EVC2: variants seen among roughly 807,000 people sequenced by gnomAD.
The protein encoded by EVC2 is limbin.
A neutral mutation model predicts 149.3 loss-of-function variants in EVC2; 148 were observed. The ratio of observed to expected loss-of-function variants is 0.99; its 90% confidence interval spans 0.87 to 1.14. The LOEUF is 1.14. Ranked by LOEUF, EVC2 falls within the 50% of genes most tolerant of loss-of-function variation. EVC2 has a pLI of 0.00. For missense variants in EVC2, 1,854 were observed against 1,627.3 expected (o/e 1.14, Z -2.40); for synonymous variants, 776 against 649.9 (o/e 1.19, Z -2.95).
intron 14 of EVC2, among the ~76,000 whole-genome samples, chr4:5,621,094 A>G (rs548325602): frequency 1.5e-4 from 23 of 152,302 alleles, no homozygotes; most frequent in Non-Finnish European, 2.8e-4. Flanking sequence ...AAGGTCACTT[A>G]ACGCAAACCA....
At chr4:5,656,992 A>C (rs1343645750) in intron 9 of EVC2, among the ~76,000 whole-genome samples, 3 of 152,120 alleles carry the variant, frequency 2.0e-5, no homozygotes, top group Admixed American at 6.5e-5. Context: ...CAACACGGTA[A>C]GTGGCAGAAC....
rs965934706 is a variant in EVC2 at position 5,677,005 on chromosome 4, A to G, written c.870+4255T>C. Among the ~76,000 whole-genome samples the G allele has an allele frequency of 2.0e-5, 3 of 152,176 alleles. No homozygotes were observed. The highest frequency in any genetic ancestry group is 6.5e-5 in the Admixed American group (1 of 15,282). ...GTGTAGCCCCCGTGGGCATTGGGGC[A>G]TGAGGCCCTGATGCAAAACATTCAC... On this transcript the variant is annotated intron_variant, in intron 7 of 21. Transcript: ENST00000344408. The surrounding 1 kb of genome is among the most constrained non-coding windows in gnomAD (Gnocchi z 4.3).
intron 17 of EVC2, among the ~76,000 whole-genome samples, chr4:5,578,786 C>CA (rs1326489683): frequency 1.3e-5 from 2 of 152,046 alleles, no homozygotes; most frequent in Non-Finnish European, 2.9e-5. Flanking sequence ...GGGAGAGACT[C>CA]ATGTCAACAG....
intron 1 of EVC2, among the ~76,000 whole-genome samples, chr4:5,701,571 C>T (rs1347015409): frequency 2.6e-5 from 4 of 152,118 alleles, no homozygotes; most frequent in African/African-American, 4.8e-5. Context: ...GGGGTTGCTC[C>T]AGGGCACTCT....
chr4:5,539,439 A>G (rs778493879), downstream of EVC2, among the ~76,000 whole-genome samples: 14 of 152,210 alleles, frequency 9.2e-5, no homozygotes, highest in Non-Finnish European at 2.1e-4. Context: ...AGTAATTCTA[A>G]AATTTGCATG....
intron 10 of EVC2, among the ~76,000 whole-genome samples, chr4:5,638,479 G>A (rs1717053836): frequency 6.6e-6 from 1 of 152,058 alleles, no homozygotes; most frequent in South Asian, 2.1e-4. Context: ...ACCGAACAGT[G>A]CATTCAATAC....
chr4:5,628,410 C>A, intron 12 of EVC2, 149 bp downstream of exon 12: 1 of 950,006 alleles, frequency 1.1e-6, no homozygotes, highest in Middle Eastern at 3.1e-4. Context: ...GTAAGAAGGC[C>A]CTCACTCGAT....
Position 5,686,168 on chromosome 4 carries a change from A to C in EVC2, c.707-689T>G, listed in dbSNP as rs187355477. Among the ~76,000 whole-genome samples, 369 of 151,484 alleles carry C rather than the reference A, an allele frequency of 2.4e-3. No individual in the cohort carries two copies. Among genetic ancestry groups the C allele is most frequent in the Admixed American group, 3.7e-3 (57 of 15,212 alleles). On this transcript the variant is annotated intron_variant, in intron 5 of 21. Transcript: ENST00000344408. The surrounding 1 kb of genome is among the most constrained non-coding windows in gnomAD (Gnocchi z 5.4). ...GGAGGAACGCTCACTTAGCCTAAGG[A>C]ATCACTGGCATTTTTGTTTTAAAAA...
At chr4:5,579,121 C>A (rs141291301) in intron 17 of EVC2, among the ~76,000 whole-genome samples, 2 of 152,036 alleles carry the variant, frequency 1.3e-5, no homozygotes, top group African/African-American at 4.8e-5. Flanking sequence ...TGTGAATCAT[C>A]ACTTTTATTT....
chr4:5,562,885 T>C lies in EVC2; in HGVS notation c.3890A>G (p.Asn1297Ser), dbSNP rs1409934596. 1.9e-6 allele frequency: 3 copies of C among 1,614,200 alleles called. No individual in the cohort carries two copies. Among genetic ancestry groups the C allele is most frequent in the Non-Finnish European group, 2.5e-6 (3 of 1,180,036 alleles). ...CAAGGCCCTCATGGCCTTTTTGGCA[T>C]TCAAAAAGTTCTTCTTTTTCCTGGG... The part of the protein sequence containing the change: ...VPPRKKKNFL[N>S]AKKAMRALGM... The change falls in exon 22 of 22, where the codon AAT (asparagine) becomes AGT (serine). Residue 1297 changes from asparagine to serine, a missense_variant. Asn to Ser is a conservative substitution (Grantham distance 46). Coordinates refer to ENST00000344408, the MANE Select transcript of EVC2 (RefSeq NM_147127.5). The surrounding 1 kb of genome is among the most constrained non-coding windows in gnomAD (Gnocchi z 4.3).
At chr4:5,532,172 G>A in the EVC2 span, among the ~76,000 whole-genome samples, 1 of 151,980 alleles carries the variant, frequency 6.6e-6, no homozygotes, top group Non-Finnish European at 1.5e-5. Context: ...AATTTGCAGG[G>A]CAAGCAGGAA....
At chr4:5,673,232 G>A (rs771382248) in intron 7 of EVC2, among the ~76,000 whole-genome samples, 1 of 152,248 alleles carries the variant, frequency 6.6e-6, no homozygotes, top group Non-Finnish European at 1.5e-5. Flanking sequence ...TTGTTGGCTG[G>A]TGGGAAGGGC....
At chr4:5,579,491 G>C (rs1017896796) in intron 17 of EVC2, among the ~76,000 whole-genome samples, 1 of 152,180 alleles carries the variant, frequency 6.6e-6, no homozygotes, top group African/African-American at 2.4e-5. Flanking sequence ...AGAAAGCTCA[G>C]GTAGAATCAA....
rs369923617 is a variant in EVC2, at chr4:5,625,765, C to G, written c.2030G>C (p.Arg677Pro). The G allele has an allele frequency of 2.5e-6, 4 of 1,614,012 alleles. No homozygotes were observed. In the African/African-American group the frequency reaches 5.3e-5, roughly 22 times the overall value. Residue 677 changes from arginine to proline, a missense_variant, in exon 13 of 22, where the codon CGA becomes CCA. Arg to Pro is a moderately radical substitution (Grantham distance 103). Coordinates refer to ENST00000344408, the MANE Select transcript of EVC2 (RefSeq NM_147127.5). This position sits in a 1 kb window ranked among gnomAD's most constrained non-coding sequence, Gnocchi z 4.0. ...CTTATATACCTTTTGTAGCAACTCT[C>G]GTCTTCTCTTAGTTATTAATTTTTG... is the stretch of plus-strand genomic sequence containing the variant. ...LHQKLITKRR[R>P]ELLQKHREQR...
chr4:5,687,742 G>A (rs1441863549), intron 5 of EVC2, among the ~76,000 whole-genome samples: 1 of 152,118 alleles, frequency 6.6e-6, no homozygotes, highest in East Asian at 1.9e-4. Flanking sequence ...TAGGAAGCTG[G>A]GTCTCGCAGG....
At chr4:5,675,871 G>C (rs1220415923) in intron 7 of EVC2, among the ~76,000 whole-genome samples, 7 of 152,194 alleles carry the variant, frequency 4.6e-5, no homozygotes, top group Non-Finnish European at 8.8e-5. Context: ...TTGAACCCAG[G>C]AGGCAGAGGT....
intron 1 of EVC2, among the ~76,000 whole-genome samples, chr4:5,699,905 C>G (rs142981150): frequency 6.6e-6 from 1 of 152,054 alleles, no homozygotes; most frequent in African/African-American, 2.4e-5. Flanking sequence ...CTTTGGGAGG[C>G]CAAGGTAGGC....
chr4:5,609,784 G>C (rs1310850868), intron 16 of EVC2, among the ~76,000 whole-genome samples: 1 of 152,188 alleles, frequency 6.6e-6, no homozygotes, highest in Non-Finnish European at 1.5e-5. Context: ...AGGGCATGTG[G>C]TCAGGAGGTG....
rs201083070 is a variant in EVC2, at chr4:5,665,633, C to A, written c.887G>T (p.Gly296Val). Residue 296 changes from glycine (G) to valine (V), a missense_variant, in exon 8 of 22, where the codon GGC (glycine) becomes GTC (valine). Transcript: ENST00000344408. ...EENVTVLPHH[G>V]LHAAGFFIAF... ...AATGAAGAACCCTGCTGCGTGGAGGCCGTGGTGCGGCAGAACCTGTGGAGA... is the reference window on the plus strand; with the variant it reads ...AATGAAGAACCCTGCTGCGTGGAGGACGTGGTGCGGCAGAACCTGTGGAGA... 3.1e-6 allele frequency: 5 copies of A among 1,614,184 alleles called. No individual in the cohort carries two copies. In the Admixed American group the frequency reaches 8.3e-5, roughly 27 times the overall value.
Sources: allele counts gnomAD v4.1 joint callset (sites outside exome capture counted in the v4.1 genomes callset), GRCh38; gene constraint gnomAD v4.1.1; non-coding constraint Gnocchi (gnomAD v3.1); transcripts MANE v1.5; gene names NCBI Gene and HGNC (gene_info 2026-07-23, HGNC 2026-07-21).